LMBRD2: variants seen among roughly 807,000 people sequenced by gnomAD.
The protein encoded by LMBRD2 is LMBR1 domain containing 2, also known as G protein-coupled receptor-associated protein LMBRD2.
Under a neutral mutation model 94.4 loss-of-function variants are expected in LMBRD2, and 55 were observed. The ratio of observed to expected loss-of-function variants is 0.58; its 90% confidence interval spans 0.47 to 0.73. The LOEUF is 0.73. Among genes scored for constraint, LMBRD2 ranks in the 30% least tolerant of loss-of-function variants. LMBRD2 has a pLI of 0.00. For missense variants in LMBRD2, 640 were observed against 831.9 expected (o/e 0.77, Z 2.84); for synonymous variants, 246 against 272.4 (o/e 0.90, Z 0.95).
rs370431372 is a variant in LMBRD2 at position 36,136,515 on chromosome 5, G to A, written c.541C>T (p.Gln181Ter). Residue 181 changes from glutamine to a stop codon, truncating the protein, a stop_gained, in exon 6 of 18, where the codon CAG (glutamine) becomes TAG (stop). Transcript: ENST00000296603. LOFTEE classifies it high-confidence loss of function. Reference protein sequence around the residue: ...VNPHLHLEWNQLQTIGIAAAN... With the variant: ...VNPHLHLEWN ...GCAGCTATCCCAATTGTCTGAAGCTGGTTCCTAAGAAAGGGAAACAACAGA... is the reference window on the plus strand; with the variant it reads ...GCAGCTATCCCAATTGTCTGAAGCTAGTTCCTAAGAAAGGGAAACAACAGA... 5.0e-6 allele frequency: 8 copies of A among 1,613,444 alleles called. No individual in the cohort carries two copies. The highest frequency in any genetic ancestry group is 6.8e-6 in the Non-Finnish European group (8 of 1,179,486).
At chr5:36,144,783 A>C (rs1352075830) in intron 1 of LMBRD2, among the ~76,000 whole-genome samples, 1 of 152,222 alleles carries the variant, frequency 6.6e-6, no homozygotes, top group Non-Finnish European at 1.5e-5. Flanking sequence ...TAGAAAAGAC[A>C]ATTTAAGTAC....
At chr5:36,111,541 T>C (rs916936304) in intron 13 of LMBRD2, among the ~76,000 whole-genome samples, 1 of 152,082 alleles carries the variant, frequency 6.6e-6, no homozygotes, top group Non-Finnish European at 1.5e-5. Context: ...AAAACAATTA[T>C]ACCAAGATGC....
Position 36,107,807 on chromosome 5 carries a change from T to C in LMBRD2, c.1897+727A>G, listed in dbSNP as rs573814399. Among the ~76,000 whole-genome samples, 3 of 152,288 alleles carry C rather than the reference T, an allele frequency of 2.0e-5. No individual in the cohort carries two copies. In the East Asian group the frequency reaches 5.8e-4, roughly 29 times the overall value. The stretch of plus-strand genomic sequence containing the variant: ...TATGGCTTGGTGCTCAGTGCAAAAC[T>C]TGTAGCTGAGTGGGTGAGAGTGCTC... On this transcript the variant is annotated intron_variant, in intron 16 of 17. Coordinates refer to ENST00000296603, the MANE Select transcript of LMBRD2 (RefSeq NM_001007527.2).
chr5:36,122,982 AT>A, intron 7 of LMBRD2, 21 bp from the exon 8 acceptor site: 2 of 1,462,732 alleles, frequency 1.4e-6, no homozygotes, highest in African/African-American at 1.5e-5. Context: ...AAAAAAGTAG[AT>A]TTTTAAAAAT....
intron 4 of LMBRD2, among the ~76,000 whole-genome samples, chr5:36,139,754 C>A (rs918408716): frequency 9.9e-5 from 15 of 152,178 alleles, no homozygotes; most frequent in African/African-American, 3.6e-4. Context: ...CACTCTGGGG[C>A]TCCTCTCCAC....
At chr5:36,119,601 G>T (rs964818960) in intron 9 of LMBRD2, among the ~76,000 whole-genome samples, 4 of 152,240 alleles carry the variant, frequency 2.6e-5, no homozygotes, top group Admixed American at 2.6e-4. Context: ...CATTGCAGGA[G>T]AAAGACACCC....
intron 11 of LMBRD2, among the ~76,000 whole-genome samples, 168 bp from the exon 12 acceptor site, chr5:36,115,288 GGA>G (rs1743713752): frequency 6.6e-6 from 1 of 151,978 alleles, no homozygotes; most frequent in African/African-American, 2.4e-5. Flanking sequence ...CACTTACTTG[GGA>G]GATATTCTGA....
chr5:36,148,702 G>C (rs1446155260), intron 1 of LMBRD2, among the ~76,000 whole-genome samples: 4 of 152,152 alleles, frequency 2.6e-5, no homozygotes, highest in Non-Finnish European at 5.9e-5. Context: ...TAAGTAACTT[G>C]TCCAAGTTAA....
In LMBRD2 at chr5:36,122,433, T is replaced by C; in HGVS notation, c.967A>G (p.Thr323Ala). ...VIYSVQRHRR[T>A]QVQWQILLEQ... is the part of the protein sequence containing the mutation. ...AAAAGAATCTGCCATTGTACTTGAG[T>C]TCGACGGTGTCTCTGAACTGAATAA... is the stretch of plus-strand genomic sequence containing the variant. Residue 323 changes from threonine to alanine, a missense_variant, in exon 9 of 18, where the codon ACT becomes GCT. This residue lies in a region of LMBRD2 where 457 missense variants were observed against 642.8 expected (regional missense o/e 0.71). Transcript: ENST00000296603. The C allele has an allele frequency of 6.2e-7, 1 of 1,613,494 alleles. No homozygotes were observed. Among genetic ancestry groups the C allele is most frequent in the Non-Finnish European group, 8.5e-7 (1 of 1,179,792 alleles).
intron 12 of LMBRD2, 95 bp downstream of exon 12, chr5:36,114,920 T>C (rs770999985): frequency 2.5e-6 from 2 of 794,792 alleles, no homozygotes; most frequent in African/African-American, 1.8e-5. Context: ...AATAACACTA[T>C]AGAACTTTTC....
At chr5:36,144,900 A>T (rs967069806) in intron 1 of LMBRD2, among the ~76,000 whole-genome samples, 1 of 152,224 alleles carries the variant, frequency 6.6e-6, no homozygotes, top group Admixed American at 6.5e-5. Flanking sequence ...TTATATTGGT[A>T]AACAGTTTCC....
intron 1 of LMBRD2, among the ~76,000 whole-genome samples, chr5:36,149,442 T>C (rs772476843): frequency 3.3e-5 from 5 of 152,234 alleles, no homozygotes; most frequent in African/African-American, 4.8e-5. Context: ...TAGGTGGTTA[T>C]GGCAAGTTAG....
At chr5:36,140,443 G>A (rs1425622108) in intron 4 of LMBRD2, among the ~76,000 whole-genome samples, 18 of 152,220 alleles carry the variant, frequency 1.2e-4, no homozygotes, top group Non-Finnish European at 2.4e-4. Context: ...AGGCAAAGGT[G>A]CTACTGGCCA....
intron 9 of LMBRD2, among the ~76,000 whole-genome samples, chr5:36,121,745 T>C (rs1262384387): frequency 1.3e-5 from 2 of 152,166 alleles, no homozygotes; most frequent in Non-Finnish European, 2.9e-5. Flanking sequence ...GGTGATCCCA[T>C]AAAATTACAA....
chr5:36,116,765 C>T (rs1743755460), intron 10 of LMBRD2, among the ~76,000 whole-genome samples, 172 bp from the exon 11 acceptor site: 1 of 152,160 alleles, frequency 6.6e-6, no homozygotes, highest in African/African-American at 2.4e-5. Context: ...CAACCTCCAC[C>T]TCCTGGGTTC....
At chr5:36,106,509 G>GGTT (rs1491451301) in intron 16 of LMBRD2, among the ~76,000 whole-genome samples, 3 of 119,370 alleles carry the variant, frequency 2.5e-5, no homozygotes, top group African/African-American at 1.1e-4. Flanking sequence ...TTTTTCTTTC[G>GGTT]TTTTTTTTTT....
rs1416008917 is a variant in LMBRD2, at chr5:36,151,322, G to A, written c.-58+234C>T. On this transcript the variant is annotated intron_variant, in intron 1 of 17. Transcript: ENST00000296603. The surrounding 1 kb of genome is among the most constrained non-coding windows in gnomAD (Gnocchi z 4.7). ...TTTATGAGACCTGTCAAGGCTGCAA[G>A]GGCATGCGCAGCCTTCCCACCACAC... Among the ~76,000 whole-genome samples the A allele has an allele frequency of 6.6e-6, 1 of 152,190 alleles. No individual in the cohort carries two copies. Among genetic ancestry groups the A allele is most frequent in the African/African-American group, 2.4e-5 (1 of 41,440 alleles).
intron 9 of LMBRD2, among the ~76,000 whole-genome samples, chr5:36,120,999 C>T (rs1003145231): frequency 1.7e-4 from 24 of 144,508 alleles, no homozygotes; most frequent in African/African-American, 5.9e-4. Context: ...TCAATTACTT[C>T]TTTATTGATT....
chr5:36,116,923 C>T (rs1408036258), intron 10 of LMBRD2, among the ~76,000 whole-genome samples: 2 of 152,126 alleles, frequency 1.3e-5, no homozygotes, highest in Non-Finnish European at 2.9e-5. Context: ...ATCCATTCGC[C>T]TTCGCCTCCC....
Sources: gnomAD v4.1 joint callset for allele counts (sites outside exome capture counted in the v4.1 genomes callset) on GRCh38, gnomAD v4.1.1 for gene constraint, gnomAD v4.1.1 regional missense constraint, Gnocchi (gnomAD v3.1) non-coding constraint, MANE v1.5 for transcripts, NCBI Gene and HGNC (gene_info 2026-07-23, HGNC 2026-07-21) for gene names.